Variants in METTL24 observed in about 807,000 individuals in gnomAD.
The protein encoded by METTL24 is probable methyltransferase-like protein 24.
METTL24 carries 29 observed loss-of-function variants against 32.7 expected under a neutral mutation model. The ratio of observed to expected loss-of-function variants is 0.89; its 90% CI spans 0.66 to 1.21. The LOEUF is 1.21. Ranked by LOEUF, METTL24 falls within the 50% of genes most tolerant of loss-of-function variation. The pLI, the probability that METTL24 is intolerant of heterozygous loss-of-function variation, is 0.00. For missense variants in METTL24, 439 were observed against 468.1 expected (o/e 0.94, Z 0.57); for synonymous variants, 163 against 179.5 (o/e 0.91, Z 0.73).
intron 1 of METTL24, chr6:110,332,348 C>G (rs753794821): frequency 2.0e-5 from 4 of 203,978 alleles, no homozygotes; most frequent in Non-Finnish European, 3.5e-5. Context: ...CAAATGTGAG[C>G]AAGACTGAAA....
chr6:110,335,594 T>A (rs1042219911), intron 1 of METTL24, among the ~76,000 whole-genome samples: 59 of 64,468 alleles, frequency 9.2e-4, no homozygotes, highest in African/African-American at 1.4e-3. Context: ...TTTTTTTTTT[T>A]ATGAAAAAAA....
chr6:110,314,189 G>C (rs775445211), intron 3 of METTL24, among the ~76,000 whole-genome samples: 6 of 152,118 alleles, frequency 3.9e-5, no homozygotes, highest in Non-Finnish European at 5.9e-5. Flanking sequence ...TGAGGAGGAA[G>C]CATGTGACAT....
At chr6:110,289,618 G>A (rs926296351) in intron 4 of METTL24, among the ~76,000 whole-genome samples, 1 of 151,864 alleles carries the variant, frequency 6.6e-6, no homozygotes, top group Non-Finnish European at 1.5e-5. Context: ...AAGCAATGAA[G>A]AGACAAGAAG....
intron 1 of METTL24, among the ~76,000 whole-genome samples, chr6:110,323,759 G>A (rs35523682): frequency 6.6e-6 from 1 of 152,236 alleles, no homozygotes; most frequent in Admixed American, 6.5e-5. Flanking sequence ...AGGGCTGGGG[G>A]AAGGGAGAGC....
intron 3 of METTL24, among the ~76,000 whole-genome samples, chr6:110,304,519 C>T (rs1771593925): frequency 6.6e-6 from 1 of 151,990 alleles, no homozygotes. Flanking sequence ...ACTTCATGAA[C>T]CATACACAAA....
intron 4 of METTL24, among the ~76,000 whole-genome samples, chr6:110,277,152 C>T (rs966707288): frequency 6.6e-5 from 10 of 152,154 alleles, no homozygotes; most frequent in South Asian, 4.1e-4. Flanking sequence ...CGCTTTTCTT[C>T]GTGAAATTAC....
At position 110,332,463 on chromosome 6, in the gene METTL24, G is replaced by A. The variant is rs77574938; in HGVS notation, c.319-9591C>T. On this transcript the variant is annotated intron_variant, in intron 1 of 4. Coordinates refer to ENST00000338882, the MANE Select transcript of METTL24 (RefSeq NM_001123364.3). ...ACCTAGAGTGGATCCAGTGAAAGCC[G>A]AGATTTTCACTTGTTTTCATGAGGT... The A allele has an allele frequency of 4.9e-3, 4,727 of 972,838 alleles. 188 individuals are homozygous for A. The African/African-American group carries it at 0.076, about 16-fold the overall frequency. The allele number at this position is 972,838 out of a possible 1,614,324, so 60.3% of individuals were successfully genotyped here.
intron 4 of METTL24, among the ~76,000 whole-genome samples, chr6:110,278,264 T>C (rs1054024836): frequency 5.3e-5 from 8 of 152,196 alleles, no homozygotes; most frequent in Non-Finnish European, 1.2e-4. Context: ...CTTCTGTTTA[T>C]GTTCCTTGCT....
chr6:110,297,702 C>T (rs1046737963), intron 4 of METTL24, among the ~76,000 whole-genome samples: 27 of 152,236 alleles, frequency 1.8e-4, no homozygotes, highest in African/African-American at 6.3e-4. Flanking sequence ...TGCTTCTTCC[C>T]ACACATATGA....
chr6:110,290,106 G>T (rs568117129), intron 4 of METTL24, among the ~76,000 whole-genome samples: 23 of 152,004 alleles, frequency 1.5e-4, no homozygotes, highest in Non-Finnish European at 2.8e-4. Context: ...TGTAGAGATG[G>T]GGTTTTGCCA....
intron 4 of METTL24, among the ~76,000 whole-genome samples, chr6:110,250,121 T>C (rs901898250): frequency 2.6e-5 from 4 of 151,810 alleles, no homozygotes; most frequent in Non-Finnish European, 4.4e-5. Flanking sequence ...CATGGGTGCT[T>C]GTATCCATTT....
At chr6:110,270,301 T>C (rs1447921507) in intron 4 of METTL24, among the ~76,000 whole-genome samples, 1 of 152,038 alleles carries the variant, frequency 6.6e-6, no homozygotes, top group Non-Finnish European at 1.5e-5. Flanking sequence ...CTTAAAGGAA[T>C]TGCTGATGCC....
intron 4 of METTL24, among the ~76,000 whole-genome samples, chr6:110,262,798 T>C (rs1455032874): frequency 2.0e-5 from 3 of 152,232 alleles, no homozygotes; most frequent in Admixed American, 2.0e-4. Context: ...ATCCCTGGGA[T>C]GCAAGGCTGG....
At position 110,244,609 on chromosome 6, in the gene METTL24, T is replaced by G. The variant is rs1205587164; in HGVS notation, c.*1337A>C. On this transcript the variant is annotated 3_prime_UTR_variant, in exon 5 of 5. Transcript: ENST00000338882. ...GGTGGAAGGGGAAGCAAACACATCC[T>G]TCTTCATATGGCAGCAGGAAGGAGA... Among the ~76,000 whole-genome samples, 2 of 152,124 alleles carry G rather than the reference T, an allele frequency of 1.3e-5. No homozygotes were observed. Among genetic ancestry groups the G allele is most frequent in the Non-Finnish European group, 2.9e-5 (2 of 68,026 alleles).
chr6:110,283,568 C>G (rs1771173356), intron 4 of METTL24, among the ~76,000 whole-genome samples: 2 of 152,132 alleles, frequency 1.3e-5, no homozygotes, highest in Non-Finnish European at 2.9e-5. Flanking sequence ...CAACACTTAC[C>G]AAGCCTCCAC....
intron 4 of METTL24, among the ~76,000 whole-genome samples, chr6:110,282,706 A>C (rs370577019): frequency 6.6e-6 from 1 of 151,060 alleles, no homozygotes; most frequent in East Asian, 1.9e-4. Context: ...CAGAGTAATT[A>C]TAAGAAACCC....
chr6:110,326,748 T>C (rs1388067663), intron 1 of METTL24, among the ~76,000 whole-genome samples: 2 of 152,186 alleles, frequency 1.3e-5, no homozygotes, highest in Non-Finnish European at 2.9e-5. Context: ...AAGTCTGTAG[T>C]ACAGGAATAC....
chr6:110,322,686 C>G, intron 2 of METTL24, 88 bp downstream of exon 2: 7 of 1,116,332 alleles, frequency 6.3e-6, no homozygotes, highest in Non-Finnish European at 9.2e-6. Flanking sequence ...TCAGGAGTCG[C>G]TGAGAACCTC....
intron 3 of METTL24, among the ~76,000 whole-genome samples, chr6:110,309,866 A>C (rs937862278): frequency 3.5e-4 from 53 of 152,142 alleles, no homozygotes; most frequent in South Asian, 2.3e-3. Context: ...TAGGAGCAAA[A>C]AAAACAAAAC....
Sources: gnomAD v4.1 joint callset for allele counts (sites outside exome capture counted in the v4.1 genomes callset) on GRCh38, gnomAD v4.1.1 for gene constraint, MANE v1.5 for transcripts, NCBI Gene and HGNC (gene_info 2026-07-23, HGNC 2026-07-21) for gene names.